The following KCND2 variants were observed in gnomAD, a reference collection of about 807,000 sequenced individuals.
KCND2 encodes A-type voltage-gated potassium channel KCND2.
KCND2 carries 16 observed loss-of-function variants against 54.4 expected under a neutral mutation model. The observed-to-expected ratio is 0.29, with a 90% CI of 0.20 to 0.45. KCND2 has a LOEUF of 0.45. Ranked by LOEUF, KCND2 falls within the 20% of genes least tolerant of loss-of-function variation. The probability of loss-of-function intolerance (pLI) is 1.00; values close to 1 mark genes in which losing one functional copy is unlikely to be tolerated. For missense variants in KCND2, 486 were observed against 824.2 expected (o/e 0.59, Z 5.02); for synonymous variants, 317 against 310.7 (o/e 1.02, Z -0.21).
chr7:120,323,284 A>G (rs1016677619), intron 1 of KCND2, among the ~76,000 whole-genome samples: 17 of 151,814 alleles, frequency 1.1e-4, no homozygotes, highest in African/African-American at 3.4e-4. Flanking sequence ...GATTAGCACA[A>G]TGGTTTTATT....
chr7:120,366,886 G>C (rs1584749298), intron 1 of KCND2, among the ~76,000 whole-genome samples: 1 of 151,974 alleles, frequency 6.6e-6, no homozygotes, highest in Admixed American at 6.6e-5. Flanking sequence ...TTGTTAAGTG[G>C]GATAATAGTT....
chr7:120,675,574 A>G (rs1249796013), intron 1 of KCND2, among the ~76,000 whole-genome samples: 1 of 152,040 alleles, frequency 6.6e-6, no homozygotes, highest in Non-Finnish European at 1.5e-5. Flanking sequence ...GCATGTTTAT[A>G]TGAAGCATAT....
chr7:120,416,289 T>A (rs1263181042), intron 1 of KCND2, among the ~76,000 whole-genome samples: 1 of 152,212 alleles, frequency 6.6e-6, no homozygotes, highest in Non-Finnish European at 1.5e-5. Context: ...GTGCCAAACC[T>A]ATATCTGCCT....
In KCND2 at chr7:120,274,589, T is replaced by C. The variant is rs766402843; in HGVS notation, c.-44T>C. 1 of 1,613,280 alleles carries C rather than the reference T, an allele frequency of 6.2e-7. No individual in the cohort carries two copies. The highest frequency in any genetic ancestry group is 8.5e-7 in the Non-Finnish European group (1 of 1,179,486). Reference sequence around the variant, plus strand: ...GACTTTTGGCTGCTTCGGTGACCCATTGTAGACGCCTCGTTACCCTTCTTC... The same window carrying C: ...GACTTTTGGCTGCTTCGGTGACCCACTGTAGACGCCTCGTTACCCTTCTTC... On this transcript the variant is annotated 5_prime_UTR_variant, in exon 1 of 6. Coordinates refer to ENST00000331113, the MANE Select transcript of KCND2 (RefSeq NM_012281.3).
At chr7:120,735,966 C>A (rs1792864723) in intron 2 of KCND2, among the ~76,000 whole-genome samples, 1 of 152,002 alleles carries the variant, frequency 6.6e-6, no homozygotes, top group South Asian at 2.1e-4. Flanking sequence ...GCCCATTAGG[C>A]TAAGACAGTT....
rs118039795 is a variant in KCND2, at chr7:120,606,057, T to C, written c.1116-126846T>C. Among the ~76,000 whole-genome samples the C allele has an allele frequency of 3.8e-4, 58 of 152,296 alleles. 1 individual carries two copies. In the East Asian group the frequency reaches 8.3e-3, roughly 22 times the overall value. Reference sequence around the variant, plus strand: ...AGGCATTTCCCCTGCACACACTCTCTTTTCTGCCACCATGTAAGGTGTGCC... The same window carrying C: ...AGGCATTTCCCCTGCACACACTCTCCTTTCTGCCACCATGTAAGGTGTGCC... On this transcript the variant is annotated intron_variant, in intron 1 of 5. Transcript: ENST00000331113.
Position 120,690,720 on chromosome 7 carries a change from A to G in KCND2, c.1116-42183A>G, listed in dbSNP as rs142288061. On this transcript the variant is annotated intron_variant, in intron 1 of 5. Transcript: ENST00000331113. The stretch of plus-strand genomic sequence containing the variant: ...TGATCATATTGATAAATATTTATTG[A>G]CCACTTCCATGTGCTAAGCACTATT... Among the ~76,000 whole-genome samples, 668 of 152,332 alleles carry G rather than the reference A, an allele frequency of 4.4e-3. 5 individuals are homozygous for G. Among genetic ancestry groups the G allele is most frequent in the African/African-American group, 0.015 (641 of 41,590 alleles).
intron 1 of KCND2, among the ~76,000 whole-genome samples, chr7:120,503,223 A>G (rs1802962616): frequency 6.6e-6 from 1 of 152,054 alleles, no homozygotes. Flanking sequence ...TTGGAAGCAT[A>G]TTGTGTGATT....
chr7:120,744,931 GT>G (rs1436959663), intron 4 of KCND2, among the ~76,000 whole-genome samples: 1 of 152,052 alleles, frequency 6.6e-6, no homozygotes, highest in Non-Finnish European at 1.5e-5. Flanking sequence ...ATTTCAGGAG[GT>G]TTTTTGTCAA....
chr7:120,435,498 A>G (rs1299226213), intron 1 of KCND2, among the ~76,000 whole-genome samples: 1 of 152,086 alleles, frequency 6.6e-6, no homozygotes, highest in Non-Finnish European at 1.5e-5. Context: ...TTAACATTTA[A>G]AAGTAACCAG....
intron 1 of KCND2, among the ~76,000 whole-genome samples, chr7:120,335,126 A>G (rs1464460967): frequency 6.6e-6 from 1 of 152,094 alleles, no homozygotes; most frequent in Non-Finnish European, 1.5e-5. Context: ...GCACTTTGGG[A>G]GGCCAAGGTG....
intron 1 of KCND2, among the ~76,000 whole-genome samples, chr7:120,297,230 T>A (rs1050114840): frequency 1.3e-5 from 2 of 152,050 alleles, no homozygotes. Flanking sequence ...GAGATAGACA[T>A]CTCTAATGTC....
At chr7:120,330,537 T>C (rs528146795) in intron 1 of KCND2, among the ~76,000 whole-genome samples, 17 of 118,512 alleles carry the variant, frequency 1.4e-4, no homozygotes, top group Non-Finnish European at 2.6e-4. Flanking sequence ...GCTGAGATTG[T>C]GCCACTGCAC....
intron 1 of KCND2, among the ~76,000 whole-genome samples, chr7:120,365,886 G>A (rs1800670378): frequency 6.6e-6 from 1 of 151,978 alleles, no homozygotes; most frequent in Admixed American, 6.6e-5. Flanking sequence ...GAAAAATGTT[G>A]AAACTGTACA....
chr7:120,700,290 A>G (rs1266576998), intron 1 of KCND2, among the ~76,000 whole-genome samples: 2 of 152,226 alleles, frequency 1.3e-5, no homozygotes, highest in East Asian at 1.9e-4. Context: ...GAGCCCGTAT[A>G]AAGGGAGAAA....
At chr7:120,450,180 A>C (rs1245167361) in intron 1 of KCND2, among the ~76,000 whole-genome samples, 1 of 152,160 alleles carries the variant, frequency 6.6e-6, no homozygotes, top group Non-Finnish European at 1.5e-5. Flanking sequence ...TTTGAGGCCG[A>C]GGCGGGTGGA....
chr7:120,483,726 G>A (rs889304447), intron 1 of KCND2, among the ~76,000 whole-genome samples: 1 of 152,128 alleles, frequency 6.6e-6, no homozygotes. Flanking sequence ...GTCAGTTGTT[G>A]AAAATTAGAA....
At chr7:120,579,559 G>A (rs1292621591) in intron 1 of KCND2, among the ~76,000 whole-genome samples, 3 of 150,124 alleles carry the variant, frequency 2.0e-5, no homozygotes, top group African/African-American at 4.9e-5. Flanking sequence ...CCAAGATCGC[G>A]CCACTGCATT....
intron 1 of KCND2, among the ~76,000 whole-genome samples, chr7:120,283,873 T>A (rs940160850): frequency 6.6e-6 from 1 of 152,172 alleles, no homozygotes; most frequent in Non-Finnish European, 1.5e-5. Flanking sequence ...ATGGCTTACA[T>A]ACCTTAAAAT....
Sources: allele counts gnomAD v4.1 joint callset (sites outside exome capture counted in the v4.1 genomes callset), GRCh38; gene constraint gnomAD v4.1.1; transcripts MANE v1.5; gene names NCBI Gene and HGNC (gene_info 2026-07-23, HGNC 2026-07-21).